KCNK9: variants seen among roughly 807,000 people sequenced by gnomAD.
KCNK9 encodes the protein potassium channel subfamily K member 9.
A neutral mutation model predicts 10.8 loss-of-function variants in KCNK9; 1 was observed. The observed-to-expected ratio is 0.09, with a 90% confidence interval of 0.03 to 0.44. The LOEUF (loss-of-function observed/expected upper bound fraction) is 0.44. Among genes scored for constraint, KCNK9 ranks in the 20% least tolerant of loss-of-function variants. The pLI is 0.97. For missense variants in KCNK9, 303 were observed against 515.0 expected (o/e 0.59, Z 3.98); for synonymous variants, 231 against 222.7 (o/e 1.04, Z -0.33).
intron 1 of KCNK9, among the ~76,000 whole-genome samples, chr8:139,637,900 G>GCCTC (rs1353563342): frequency 6.6e-6 from 1 of 151,894 alleles, no homozygotes; most frequent in East Asian, 1.9e-4. Context: ...GGCCACTGAT[G>GCCTC]CCTCCTCCAT....
chr8:139,682,560 AGGGGTGGAAAGAGGGAC>A (rs1284648304), intron 1 of KCNK9, among the ~76,000 whole-genome samples: 1 of 152,198 alleles, frequency 6.6e-6, no homozygotes, highest in African/African-American at 2.4e-5. Context: ...TGCATGGGAC[AGGGGTGGAAAGAGGGAC>A]GGGGTGGAGA....
chr8:139,644,394 A>T (rs1241395088), intron 1 of KCNK9, among the ~76,000 whole-genome samples: 2 of 152,174 alleles, frequency 1.3e-5, no homozygotes, highest in Non-Finnish European at 2.9e-5. Flanking sequence ...TTAATATTCT[A>T]GCTGTGACCC....
intron 1 of KCNK9, among the ~76,000 whole-genome samples, chr8:139,697,560 G>A (rs1435838826): frequency 6.6e-6 from 1 of 151,968 alleles, no homozygotes; most frequent in African/African-American, 2.4e-5. Flanking sequence ...AGAGATGGAG[G>A]TGTGAATAAC....
At chr8:139,663,314 G>A (rs775536835) in intron 1 of KCNK9, among the ~76,000 whole-genome samples, 2 of 152,052 alleles carry the variant, frequency 1.3e-5, no homozygotes, top group African/African-American at 2.4e-5. Context: ...AGGTCAGCGC[G>A]AGGCCAACAC....
At chr8:139,602,160 G>C (rs1057022411) in intron 2 of KCNK9, 1 of 152,300 alleles carries the variant, frequency 6.6e-6, no homozygotes, top group African/African-American at 2.4e-5. Context: ...TCATTGGCCA[G>C]AACTAATCAC....
At chr8:139,630,411 C>T (rs1476028696) in intron 1 of KCNK9, among the ~76,000 whole-genome samples, 1 of 152,146 alleles carries the variant, frequency 6.6e-6, no homozygotes, top group Non-Finnish European at 1.5e-5. Context: ...CCGCCCCCAC[C>T]TCCCCGGGGC....
chr8:139,661,207 A>C (rs1259594242), intron 1 of KCNK9, among the ~76,000 whole-genome samples: 2 of 152,192 alleles, frequency 1.3e-5, no homozygotes, highest in Non-Finnish European at 2.9e-5. Flanking sequence ...GAAGACGCTG[A>C]GTTGGGCCAT....
intron 1 of KCNK9, among the ~76,000 whole-genome samples, chr8:139,620,568 G>C (rs1322161868): frequency 2.0e-5 from 3 of 152,016 alleles, no homozygotes; most frequent in African/African-American, 7.2e-5. Flanking sequence ...TTCTCCATCA[G>C]GGCTTCATTG....
intron 1 of KCNK9, among the ~76,000 whole-genome samples, chr8:139,661,284 C>T (rs1417858527): frequency 6.6e-6 from 1 of 152,198 alleles, no homozygotes; most frequent in Non-Finnish European, 1.5e-5. Context: ...GAGCTTACAT[C>T]CCAGTGTGGG....
intron 1 of KCNK9, among the ~76,000 whole-genome samples, chr8:139,667,181 G>A (rs1315955985): frequency 6.6e-6 from 1 of 152,198 alleles, no homozygotes; most frequent in African/African-American, 2.4e-5. Flanking sequence ...TTCTGGCCCT[G>A]ATTCCCCCAC....
intron 1 of KCNK9, among the ~76,000 whole-genome samples, chr8:139,658,307 G>C (rs989677220): frequency 6.6e-6 from 1 of 152,130 alleles, no homozygotes; most frequent in Non-Finnish European, 1.5e-5. Context: ...AGTCATGGGG[G>C]GACAACCACT....
At chr8:139,700,510 GCGCGCGCGCGCACACACACACACACACA>G (rs1817185379) in intron 1 of KCNK9, among the ~76,000 whole-genome samples, 2 of 117,248 alleles carry the variant, frequency 1.7e-5, no homozygotes, top group African/African-American at 7.9e-5. Context: ...ACACACACAC[GCGCGCGCGCGCACACACACACACACACA>G]CGCGCGCACA....
intron 1 of KCNK9, among the ~76,000 whole-genome samples, chr8:139,701,442 T>A (rs1451730899): frequency 6.6e-6 from 1 of 152,176 alleles, no homozygotes; most frequent in Non-Finnish European, 1.5e-5. Flanking sequence ...AAATCCTTTT[T>A]TTTTCAGTAT....
chr8:139,624,329 G>A (rs764101651), intron 1 of KCNK9, among the ~76,000 whole-genome samples: 39 of 152,176 alleles, frequency 2.6e-4, no homozygotes, highest in Non-Finnish European at 5.4e-4. Context: ...CTGAAATTTG[G>A]TTTCCAGCAC....
At chr8:139,632,151 G>A (rs541983911) in intron 1 of KCNK9, among the ~76,000 whole-genome samples, 1 of 152,172 alleles carries the variant, frequency 6.6e-6, no homozygotes, top group East Asian at 1.9e-4. Context: ...TTGCCGCAAC[G>A]CCCATTCTGC....
At chr8:139,660,607 G>T (rs895224964) in intron 1 of KCNK9, among the ~76,000 whole-genome samples, 25 of 151,590 alleles carry the variant, frequency 1.6e-4, no homozygotes, top group African/African-American at 5.8e-4. Context: ...GGCGACAGAG[G>T]GACACCCTGT....
At chr8:139,669,061 C>T (rs1202769852) in intron 1 of KCNK9, among the ~76,000 whole-genome samples, 4 of 151,898 alleles carry the variant, frequency 2.6e-5, no homozygotes, top group Non-Finnish European at 4.4e-5. Flanking sequence ...AGTATGCAAT[C>T]GTATTGTGTC....
intron 1 of KCNK9, among the ~76,000 whole-genome samples, chr8:139,663,376 C>A (rs762090351): frequency 4.6e-5 from 7 of 152,118 alleles, no homozygotes; most frequent in Non-Finnish European, 1.0e-4. Flanking sequence ...TGGTCACATG[C>A]TCTCGGCGCC....
chr8:139,629,679 G>C (rs544882987), intron 1 of KCNK9, among the ~76,000 whole-genome samples: 12 of 152,118 alleles, frequency 7.9e-5, no homozygotes, highest in Non-Finnish European at 1.3e-4. Context: ...ACAATGAAAG[G>C]GGGGGAAGAT....
Sources: allele counts gnomAD v4.1 joint callset (sites outside exome capture counted in the v4.1 genomes callset), GRCh38; gene constraint gnomAD v4.1.1; transcripts MANE v1.5; gene names NCBI Gene and HGNC (gene_info 2026-07-23, HGNC 2026-07-21).